The following PATJ variants were observed in gnomAD, a reference collection of about 807,000 sequenced individuals.
PATJ encodes the protein PATJ crumbs cell polarity complex component, also known as inaD-like protein.
Under a neutral mutation model 224.9 loss-of-function variants are expected in PATJ, and 190 were observed. The ratio of observed to expected loss-of-function variants is 0.84; its 90% confidence interval spans 0.75 to 0.95. The LOEUF is 0.95. PATJ is among the 40% of genes least tolerant of loss of function. PATJ has a pLI of 0.00. For synonymous variants in PATJ, 769 were observed against 820.3 expected (o/e 0.94, Z 1.07); for missense variants, 2,121 against 2,270.3 (o/e 0.93, Z 1.34).
chr1:62,116,477 T>C, intron 35 of PATJ, 55 bp from the exon 36 acceptor site: 1 of 1,591,304 alleles, frequency 6.3e-7, no homozygotes, highest in East Asian at 2.2e-5. Flanking sequence ...ACACACGTAT[T>C]ATGCATGGAA....
chr1:61,953,884 T>C (rs1446924298), intron 27 of PATJ, among the ~76,000 whole-genome samples: 1 of 152,206 alleles, frequency 6.6e-6, no homozygotes, highest in African/African-American at 2.4e-5. Context: ...CACACTGACT[T>C]GAAGTCGCCA....
intron 7 of PATJ, among the ~76,000 whole-genome samples, chr1:61,786,365 G>T (rs1287022257): frequency 1.3e-5 from 2 of 151,804 alleles, no homozygotes; most frequent in African/African-American, 4.9e-5. Context: ...GACCCGCAAG[G>T]TGTTTTGTTG....
At chr1:61,880,356 G>A (rs568913473) in intron 21 of PATJ, among the ~76,000 whole-genome samples, 4 of 152,324 alleles carry the variant, frequency 2.6e-5, no homozygotes, top group African/African-American at 9.6e-5. Flanking sequence ...TTGTGAATGC[G>A]TGAATGAAGA....
rs1253223811 is a variant in PATJ at position 61,856,211 on chromosome 1, T to C, written c.2294T>C (p.Val765Ala). The C allele has an allele frequency of 6.2e-6, 10 of 1,614,140 alleles. 1 individual carries two copies. In the South Asian group the frequency reaches 8.8e-5, roughly 14 times the overall value. Residue 765 changes from valine to alanine, a missense_variant, in exon 18 of 44, where the codon GTA becomes GCA. Physicochemically the swap from Val to Ala is moderately conservative, Grantham distance 64. Transcript: ENST00000642238. ...EILKAVPPGL[V>A]HLGICKPLVE... Reference sequence around the variant, plus strand: ...TTGAAAGCTGTGCCACCAGGCCTAGTACACCTTGGCATCTGTAAGCCTTTG... The same window carrying C: ...TTGAAAGCTGTGCCACCAGGCCTAGCACACCTTGGCATCTGTAAGCCTTTG...
chr1:62,010,078 C>CAA (rs34658070), intron 28 of PATJ, among the ~76,000 whole-genome samples: 1,313 of 84,230 alleles, frequency 0.016, 37 homozygotes, highest in African/African-American at 0.044. Context: ...GACTCCATCT[C>CAA]AAAAAAAAAA....
chr1:61,759,824 G>C (rs1477206543), intron 1 of PATJ, among the ~76,000 whole-genome samples: 1 of 152,172 alleles, frequency 6.6e-6, no homozygotes, highest in Non-Finnish European at 1.5e-5. Flanking sequence ...GTGACACTCA[G>C]AAGTAAAAAT....
intron 6 of PATJ, among the ~76,000 whole-genome samples, chr1:61,773,723 G>A (rs544028421): frequency 6.6e-6 from 1 of 151,754 alleles, no homozygotes; most frequent in East Asian, 1.9e-4. Flanking sequence ...GCAGGCGGAG[G>A]TTGCAGTGAG....
At chr1:61,839,386 A>G (rs1467607209) in intron 17 of PATJ, among the ~76,000 whole-genome samples, 2 of 152,104 alleles carry the variant, frequency 1.3e-5, no homozygotes, top group Admixed American at 6.6e-5. Context: ...TGCATTGTGT[A>G]AGAGCTAGTT....
chr1:61,801,301 G>C (rs963498872), intron 11 of PATJ, among the ~76,000 whole-genome samples: 1 of 152,158 alleles, frequency 6.6e-6, no homozygotes, highest in Non-Finnish European at 1.5e-5. Context: ...ATCTCATTGT[G>C]GTTTTGATTT....
chr1:61,811,442 C>G (rs967911397), intron 14 of PATJ, among the ~76,000 whole-genome samples: 1 of 151,862 alleles, frequency 6.6e-6, no homozygotes, highest in Non-Finnish European at 1.5e-5. Context: ...GTTGGCCAAG[C>G]TGGTCTCGAA....
At chr1:61,837,608 G>A (rs1432896934) in intron 17 of PATJ, among the ~76,000 whole-genome samples, 1 of 152,062 alleles carries the variant, frequency 6.6e-6, no homozygotes, top group African/African-American at 2.4e-5. Context: ...GGCCAACATG[G>A]TGACACCCTG....
intron 33 of PATJ, among the ~76,000 whole-genome samples, chr1:62,090,839 A>G (rs980787230): frequency 6.6e-6 from 1 of 152,138 alleles, no homozygotes; most frequent in Non-Finnish European, 1.5e-5. Flanking sequence ...ATGTCCTTCA[A>G]TGTCCACTTC....
In PATJ at chr1:62,153,423, G is replaced by C. The variant is rs1223427527; in HGVS notation, c.5444G>C (p.Gly1815Ala). ...GSEGLGFSIV[G>A]GYGSPHGDLP... ...GAAGGCTTGGGGTTTAGTATTGTAG[G>C]GGGTTATGGAAGTCCCCATGGAGAC... is the stretch of plus-strand genomic sequence containing the variant. Residue 1815 changes from glycine (G) to alanine (A), a missense_variant, in exon 43 of 44, where the codon GGG becomes GCG. Physicochemically the swap from Gly to Ala is moderately conservative, Grantham distance 60. Coordinates refer to ENST00000642238, the MANE Select transcript of PATJ (RefSeq NM_001350145.3). 2.4e-6 allele frequency: 3 copies of C among 1,231,318 alleles called. No individual in the cohort carries two copies. Among genetic ancestry groups the C allele is most frequent in the Non-Finnish European group, 3.0e-6 (3 of 987,418 alleles). The allele number at this position is 1,231,318 out of a possible 1,614,324, so 76.3% of individuals were successfully genotyped here. A position where few individuals can be genotyped will look rare whatever the true frequency, so the allele number is the denominator to read the frequency against.
intron 27 of PATJ, among the ~76,000 whole-genome samples, chr1:61,937,586 G>C (rs1677073963): frequency 6.6e-6 from 1 of 150,916 alleles, no homozygotes; most frequent in African/African-American, 2.4e-5. Context: ...ATTGAAAATT[G>C]ACTTAGAGAT....
intron 27 of PATJ, among the ~76,000 whole-genome samples, chr1:61,968,912 A>G (rs1460087322): frequency 1.4e-4 from 22 of 152,188 alleles, no homozygotes; most frequent in Non-Finnish European, 8.8e-5. Context: ...GGCAACCACC[A>G]TTACAGTTTC....
intron 29 of PATJ, among the ~76,000 whole-genome samples, chr1:62,029,382 A>G (rs1230909998): frequency 5.3e-5 from 8 of 152,124 alleles, no homozygotes; most frequent in African/African-American, 1.9e-4. Flanking sequence ...AAGCATGAGT[A>G]TGTTCTCCTC....
rs1464007395 is a variant in PATJ, at chr1:62,161,862, GT to G, written c.*809del. ...TCAAGTAAGCAAGAAAACATTAGCA[GT>G]GTAATTAATTTACCAGTGATCCCCA... On this transcript the variant is annotated 3_prime_UTR_variant, in exon 44 of 44. Transcript: ENST00000642238. 1 of 152,188 alleles carries G rather than the reference GT, an allele frequency of 6.6e-6. No individual in the cohort carries two copies. The highest frequency in any genetic ancestry group is 2.4e-5 in the African/African-American group (1 of 41,438). 9.4% of individuals were successfully genotyped at this position (152,188 alleles called of 1,614,324 possible).
At chr1:62,089,067 A>G (rs917965582) in intron 33 of PATJ, among the ~76,000 whole-genome samples, 1 of 152,112 alleles carries the variant, frequency 6.6e-6, no homozygotes, top group Non-Finnish European at 1.5e-5. Flanking sequence ...TTTGTAAATA[A>G]AAGTCTTTTT....
chr1:62,026,914 G>A (rs979684451), intron 29 of PATJ, among the ~76,000 whole-genome samples: 4 of 152,094 alleles, frequency 2.6e-5, no homozygotes, highest in African/African-American at 9.7e-5. Flanking sequence ...TTCTATTTCC[G>A]TGTTCATAGC....
Sources: gnomAD v4.1 joint callset for allele counts (sites outside exome capture counted in the v4.1 genomes callset) on GRCh38, gnomAD v4.1.1 for gene constraint, MANE v1.5 for transcripts, NCBI Gene and HGNC (gene_info 2026-07-23, HGNC 2026-07-21) for gene names.